VSTM4: variants seen among roughly 807,000 people sequenced by gnomAD.
VSTM4 encodes V-set and transmembrane domain containing 4.
A neutral mutation model predicts 36.4 loss-of-function variants in VSTM4; 20 were observed. The ratio of observed to expected loss-of-function variants is 0.55; its 90% CI spans 0.39 to 0.80. The LOEUF is 0.80. VSTM4 is among the 30% of genes least tolerant of loss of function. The probability of loss-of-function intolerance (pLI) is 0.00; values close to 1 mark genes in which losing one functional copy is unlikely to be tolerated. For synonymous variants in VSTM4, 182 were observed against 173.9 expected, an observed-to-expected ratio of 1.05 and a Z score of -0.37; for missense variants, 392 against 404.5, an observed-to-expected ratio of 0.97 and a Z score of 0.26.
chr10:49,027,320 T>C (rs1843277796), intron 7 of VSTM4, among the ~76,000 whole-genome samples: 1 of 152,206 alleles, frequency 6.6e-6, no homozygotes, highest in South Asian at 2.1e-4. Context: ...TGTTCTCAAA[T>C]GTGTGCCAGG....
chr10:49,113,750 A>G (rs1043125603), intron 1 of VSTM4, among the ~76,000 whole-genome samples: 1 of 152,202 alleles, frequency 6.6e-6, no homozygotes, highest in Admixed American at 6.5e-5. Flanking sequence ...AAGAAGCTGT[A>G]CTTATGTATA....
At chr10:49,055,007 T>G (rs1843754998) in intron 5 of VSTM4, among the ~76,000 whole-genome samples, 1 of 152,194 alleles carries the variant, frequency 6.6e-6, no homozygotes, top group Admixed American at 6.5e-5. Flanking sequence ...TTCAATCTTA[T>G]TCCTTCTTGA....
chr10:49,099,153 T>A (rs928549588), intron 2 of VSTM4, among the ~76,000 whole-genome samples: 11 of 152,204 alleles, frequency 7.2e-5, no homozygotes, highest in African/African-American at 2.7e-4. Context: ...TACGACACAA[T>A]CACCTCCTTC....
chr10:49,052,316 G>A (rs1432949497), intron 5 of VSTM4, among the ~76,000 whole-genome samples: 1 of 152,182 alleles, frequency 6.6e-6, no homozygotes, highest in African/African-American at 2.4e-5. Flanking sequence ...TGAAGAAAAA[G>A]CTGATTCCTT....
chr10:49,022,721 T>C (rs1590064453), intron 7 of VSTM4, among the ~76,000 whole-genome samples: 1 of 152,184 alleles, frequency 6.6e-6, no homozygotes, highest in Non-Finnish European at 1.5e-5. Flanking sequence ...CATTTAGAAA[T>C]GCCATGTGTC....
At chr10:49,025,100 G>A (rs1227416203) in intron 7 of VSTM4, among the ~76,000 whole-genome samples, 2 of 152,050 alleles carry the variant, frequency 1.3e-5, no homozygotes. Flanking sequence ...CAAGTTGAGA[G>A]AGAGAGGCCT....
Position 49,114,983 on chromosome 10 carries a change from C to G in VSTM4, c.55+448G>C, listed in dbSNP as rs574283368. 5.9e-5 allele frequency among the ~76,000 whole-genome samples: 9 copies of G among 152,270 alleles called. No homozygotes were observed. In the South Asian group the frequency reaches 1.9e-3, roughly 32 times the overall value. On this transcript the variant is annotated intron_variant, in intron 1 of 7. Coordinates refer to ENST00000332853, the MANE Select transcript of VSTM4 (RefSeq NM_001031746.5). ...TCCCCACCTCCTGGCCAAGGCAGATCCAGCCGCTCCTGACTTGTCTTCGGA... is the reference window on the plus strand; with the variant it reads ...TCCCCACCTCCTGGCCAAGGCAGATGCAGCCGCTCCTGACTTGTCTTCGGA...
At position 49,115,479 on chromosome 10, in the gene VSTM4, G is replaced by A; in HGVS notation, c.7C>T (p.Leu3=). The A allele has an allele frequency of 9.7e-7, 1 of 1,026,022 alleles. No individual in the cohort carries two copies. The highest frequency in any genetic ancestry group is 1.2e-6 in the Non-Finnish European group (1 of 853,752). The allele number at this position is 1,026,022 out of a possible 1,614,324, so 63.6% of individuals were successfully genotyped here. The change falls in exon 1 of 8, where the codon CTG becomes TTG. Residue 3 remains leucine, a synonymous_variant. Coordinates refer to ENST00000332853, the MANE Select transcript of VSTM4 (RefSeq NM_001031746.5). Reference sequence around the variant, plus strand: ...AGCGCGGCCGCCGCCAGTGCCAGCAGCCGCATCTCCCCGCCGCCGCCCGGC... The same window carrying A: ...AGCGCGGCCGCCGCCAGTGCCAGCAACCGCATCTCCCCGCCGCCGCCCGGC... MR[L]LALAAAALLA... is the part of the protein sequence containing the mutation.
chr10:49,026,274 G>A (rs539595305), intron 7 of VSTM4, among the ~76,000 whole-genome samples: 6 of 152,304 alleles, frequency 3.9e-5, no homozygotes, highest in African/African-American at 1.2e-4. Context: ...AGGGTCTCCA[G>A]GTTTAAGTGA....
intron 2 of VSTM4, among the ~76,000 whole-genome samples, chr10:49,096,431 A>G (rs898544580): frequency 6.6e-6 from 1 of 152,166 alleles, no homozygotes; most frequent in Non-Finnish European, 1.5e-5. Flanking sequence ...GTTAAAATAC[A>G]CTATGTGGGT....
intron 5 of VSTM4, among the ~76,000 whole-genome samples, chr10:49,059,688 T>C (rs1350444253): frequency 6.6e-6 from 1 of 152,172 alleles, no homozygotes. Flanking sequence ...GGGGGCCTTA[T>C]TGGGACATAT....
chr10:49,091,792 A>G (rs1844479808), intron 2 of VSTM4, among the ~76,000 whole-genome samples: 1 of 152,180 alleles, frequency 6.6e-6, no homozygotes, highest in African/African-American at 2.4e-5. Flanking sequence ...GGAAGGCTCC[A>G]TTTTTCCTGA....
intron 5 of VSTM4, among the ~76,000 whole-genome samples, chr10:49,059,323 A>G (rs887961745): frequency 1.3e-5 from 2 of 152,222 alleles, no homozygotes; most frequent in African/African-American, 4.8e-5. Context: ...ACACCCAACC[A>G]ACCTGACAGT....
At chr10:49,102,515 T>G (rs1248359903) in intron 2 of VSTM4, 1 of 985,320 alleles carries the variant, frequency 1.0e-6, no homozygotes, top group Non-Finnish European at 1.2e-6. Flanking sequence ...CATAATGTTG[T>G]GTCTACAGTG....
chr10:49,066,238 C>G (rs1843971668), intron 4 of VSTM4, among the ~76,000 whole-genome samples: 1 of 152,294 alleles, frequency 6.6e-6, no homozygotes, highest in Admixed American at 6.5e-5. Flanking sequence ...TCAAAGCACA[C>G]CATCCTGGAG....
intron 7 of VSTM4, among the ~76,000 whole-genome samples, chr10:49,026,112 C>T (rs948601060): frequency 2.0e-5 from 3 of 152,190 alleles, no homozygotes; most frequent in South Asian, 2.1e-4. Flanking sequence ...CACAGCCTCA[C>T]TTCTTCCAGG....
chr10:49,088,605 G>T (rs1386363859), intron 2 of VSTM4, among the ~76,000 whole-genome samples: 1 of 152,252 alleles, frequency 6.6e-6, no homozygotes, highest in African/African-American at 2.4e-5. Flanking sequence ...CCTAGAACCT[G>T]CATAGCAGAG....
At chr10:49,103,784 G>A (rs1590134273) in intron 2 of VSTM4, 3 of 1,614,160 alleles carry the variant, frequency 1.9e-6, no homozygotes, top group Non-Finnish European at 2.5e-6. Context: ...AGTCTGCGGT[G>A]AAGGGCAAAG....
chr10:49,064,430 G>A, intron 5 of VSTM4: 1 of 442,496 alleles, frequency 2.3e-6, no homozygotes, highest in Admixed American at 4.0e-5. Flanking sequence ...CCTAAACTGG[G>A]GAGCAGCTCT....
Sources: allele counts gnomAD v4.1 joint callset (sites outside exome capture counted in the v4.1 genomes callset), GRCh38; gene constraint gnomAD v4.1.1; transcripts MANE v1.5; gene names NCBI Gene and HGNC (gene_info 2026-07-23, HGNC 2026-07-21).